PDE8B: variants seen among roughly 807,000 people sequenced by gnomAD.
The protein encoded by PDE8B is phosphodiesterase 8B, also known as high affinity cAMP-specific and IBMX-insensitive 3',5'-cyclic phosphodiesterase 8B.
A neutral mutation model predicts 101.3 loss-of-function variants in PDE8B; 26 were observed. The ratio of observed to expected loss-of-function variants is 0.26; its 90% CI spans 0.19 to 0.36. The LOEUF (loss-of-function observed/expected upper bound fraction) is 0.36, where lower values mean the gene tolerates loss of function less well. Ranked by LOEUF, PDE8B falls within the 10% of genes least tolerant of loss-of-function variation. The pLI is 1.00. For synonymous variants in PDE8B, 424 were observed against 429.3 expected, an observed-to-expected ratio of 0.99 and a Z score of 0.15; for missense variants, 810 against 1,163.1, an observed-to-expected ratio of 0.70 and a Z score of 4.42.
At chr5:77,369,993 G>A (rs768958803) in intron 10 of PDE8B, among the ~76,000 whole-genome samples, 2 of 152,098 alleles carry the variant, frequency 1.3e-5, no homozygotes, top group Non-Finnish European at 2.9e-5. Context: ...AGATTCTACC[G>A]TTAACATTTT....
In PDE8B at chr5:77,220,896, T is replaced by C. The variant is rs116399676; in HGVS notation, c.339+9632T>C. On this transcript the variant is annotated intron_variant, in intron 1 of 21. Transcript: ENST00000264917. ...TAACCTCACATTGCTAGGGAGGAAG[T>C]GGAGGCACAGGCGGCTCAAGTAGCT... is the stretch of plus-strand genomic sequence containing the variant. 3.8e-3 allele frequency among the ~76,000 whole-genome samples: 575 copies of C among 152,232 alleles called. 2 individuals are homozygous for C. The highest frequency in any genetic ancestry group is 0.013 in the African/African-American group (545 of 41,550).
intron 10 of PDE8B, among the ~76,000 whole-genome samples, chr5:77,355,651 C>T (rs778716367): frequency 4.6e-5 from 7 of 152,210 alleles, no homozygotes; most frequent in Non-Finnish European, 1.0e-4. Context: ...TGTCTGTTGT[C>T]TTCCTCTCCT....
chr5:77,289,285 C>T (rs1766746903), intron 1 of PDE8B, among the ~76,000 whole-genome samples: 1 of 152,192 alleles, frequency 6.6e-6, no homozygotes, highest in African/African-American at 2.4e-5. Flanking sequence ...AATTCATAAT[C>T]TCTTCCAGAA....
chr5:77,350,664 G>A (rs1780932804), intron 8 of PDE8B, among the ~76,000 whole-genome samples: 1 of 152,130 alleles, frequency 6.6e-6, no homozygotes, highest in Non-Finnish European at 1.5e-5. Context: ...GCATCCTCAT[G>A]TGGGCAAGTT....
intron 2 of PDE8B, among the ~76,000 whole-genome samples, chr5:77,315,139 C>T (rs1348653695): frequency 6.6e-6 from 1 of 152,106 alleles, no homozygotes. Context: ...ATTTTCATAA[C>T]TCTGGCTTTT....
At chr5:77,236,264 G>A (rs1288282501) in intron 1 of PDE8B, among the ~76,000 whole-genome samples, 1 of 152,166 alleles carries the variant, frequency 6.6e-6, no homozygotes, top group Non-Finnish European at 1.5e-5. Context: ...AGAGGACAAG[G>A]TTCTAGCTAC....
the PDE8B span, among the ~76,000 whole-genome samples, chr5:77,116,224 A>ATATATATATTTTT: frequency 1.7e-5 from 1 of 59,610 alleles, no homozygotes; most frequent in African/African-American, 7.2e-5. Flanking sequence ...ATATATATAT[A>ATATATATATTTTT]TTTTTTTTTT....
At chr5:77,227,469 G>A (rs528838972) in intron 1 of PDE8B, among the ~76,000 whole-genome samples, 2 of 152,232 alleles carry the variant, frequency 1.3e-5, no homozygotes, top group East Asian at 1.9e-4. Flanking sequence ...TTTGGGTGGG[G>A]CAGGAGAAGA....
chr5:77,298,644 G>A (rs562259873), intron 1 of PDE8B, among the ~76,000 whole-genome samples: 3 of 152,262 alleles, frequency 2.0e-5, no homozygotes, highest in East Asian at 1.9e-4. Context: ...ACATAGACCC[G>A]CCATTTGGTT....
chr5:77,418,055 A>G (rs1338021850), intron 17 of PDE8B, among the ~76,000 whole-genome samples, 174 bp from the exon 18 acceptor site: 1 of 152,184 alleles, frequency 6.6e-6, no homozygotes, highest in Non-Finnish European at 1.5e-5. Flanking sequence ...CAGCACAGTA[A>G]AGCGATGCTG....
chr5:77,197,535 T>TC, the PDE8B span, among the ~76,000 whole-genome samples: 1 of 151,990 alleles, frequency 6.6e-6, no homozygotes, highest in East Asian at 1.9e-4. Flanking sequence ...GTTTTTTTTT[T>TC]CCCCTAGTTT....
chr5:77,385,446 T>C (rs1788354807), intron 10 of PDE8B, among the ~76,000 whole-genome samples: 1 of 150,490 alleles, frequency 6.6e-6, no homozygotes, highest in African/African-American at 2.4e-5. Flanking sequence ...TTTTTTTTTC[T>C]TTTTAAGGGT....
upstream of PDE8B, among the ~76,000 whole-genome samples, chr5:77,207,534 AT>A (rs926173726): frequency 2.0e-5 from 3 of 149,118 alleles, no homozygotes; most frequent in Admixed American, 1.4e-4. Context: ...CCACTTAATT[AT>A]TTTTTTAATA....
At chr5:77,104,189 T>C in the PDE8B span, among the ~76,000 whole-genome samples, 3 of 152,172 alleles carry the variant, frequency 2.0e-5, no homozygotes, top group African/African-American at 4.8e-5. Context: ...TAGAGGTTTA[T>C]GTGGGGCCTA....
At chr5:77,358,048 A>T (rs1029218618) in intron 10 of PDE8B, among the ~76,000 whole-genome samples, 1 of 151,902 alleles carries the variant, frequency 6.6e-6, no homozygotes, top group Non-Finnish European at 1.5e-5. Context: ...TGTTTCTCTC[A>T]TCCCTTACCT....
chr5:77,362,437 A>G (rs1047728782), intron 10 of PDE8B, among the ~76,000 whole-genome samples: 1 of 152,228 alleles, frequency 6.6e-6, no homozygotes, highest in African/African-American at 2.4e-5. Flanking sequence ...GTAATGTGCT[A>G]TGTGGCCATA....
intron 9 of PDE8B, 90 bp from the exon 10 acceptor site, chr5:77,353,256 T>C (rs915748395): frequency 1.2e-6 from 1 of 800,342 alleles, no homozygotes; most frequent in African/African-American, 1.7e-5. Context: ...CCCTGGAGTT[T>C]AGCTTTAAGA....
intron 10 of PDE8B, among the ~76,000 whole-genome samples, chr5:77,383,401 A>G (rs1318312903): frequency 6.6e-6 from 1 of 152,072 alleles, no homozygotes; most frequent in Non-Finnish European, 1.5e-5. Flanking sequence ...GTTCACTCTG[A>G]TGGTTTCTTT....
At chr5:77,410,469 G>A (rs1794328738) in intron 14 of PDE8B, 1 of 152,236 alleles carries the variant, frequency 6.6e-6, no homozygotes, top group Admixed American at 6.5e-5. Context: ...CTTCTGCCCT[G>A]TTCTACCTAG....
Sources: gnomAD v4.1 joint callset for allele counts (sites outside exome capture counted in the v4.1 genomes callset) on GRCh38, gnomAD v4.1.1 for gene constraint, MANE v1.5 for transcripts, NCBI Gene and HGNC (gene_info 2026-07-23, HGNC 2026-07-21) for gene names.